Variants in DPP6 observed in about 807,000 individuals in gnomAD.
The protein encoded by DPP6 is dipeptidyl peptidase like 6.
Under a neutral mutation model 122.6 loss-of-function variants are expected in DPP6, and 69 were observed. The ratio of observed to expected loss-of-function variants is 0.56; its 90% CI spans 0.46 to 0.69. DPP6 has a LOEUF of 0.69. Among genes scored for constraint, DPP6 ranks in the 30% least tolerant of loss-of-function variants. DPP6 has a pLI of 0.00. For synonymous variants in DPP6, 418 were observed against 433.1 expected, an observed-to-expected ratio of 0.97 and a Z score of 0.43; for missense variants, 928 against 1,116.9, an observed-to-expected ratio of 0.83 and a Z score of 2.41.
rs201842922 is a variant in DPP6, at chr7:154,053,636, G to GA, written c.243+583dup. 5.1e-3 allele frequency among the ~76,000 whole-genome samples: 764 copies of GA among 148,530 alleles called. 4 individuals are homozygous for GA. Among genetic ancestry groups the GA allele is most frequent in the African/African-American group, 0.013 (537 of 40,474 alleles). On this transcript the variant is annotated intron_variant, in intron 1 of 25. Transcript: ENST00000377770. ...GTGGTGATGGTGATTATCCTTTCCGGAAAAAAAAAATACCAAAATACTGGC... is the reference window on the plus strand; with the variant it reads ...GTGGTGATGGTGATTATCCTTTCCGGAAAAAAAAAAATACCAAAATACTGGC...
intron 1 of DPP6, among the ~76,000 whole-genome samples, chr7:154,384,899 T>G (rs1813953056): frequency 1.3e-5 from 2 of 152,068 alleles, no homozygotes; most frequent in Non-Finnish European, 2.9e-5. Flanking sequence ...ATGATATAGC[T>G]CTAAAGGAAA....
Position 153,938,285 on chromosome 7 carries a change from T to C in DPP6, c.51+50551T>C, listed in dbSNP as rs185384304. On this transcript the variant is annotated intron_variant, in intron 1 of 25. Coordinates refer to the DPP6 transcript ENST00000404039. Reference sequence around the variant, plus strand: ...CAGGTAAGCTTTTCAGATCTGGGGATTGGGGACTTCCCATTTTAGATGGAA... The same window carrying C: ...CAGGTAAGCTTTTCAGATCTGGGGACTGGGGACTTCCCATTTTAGATGGAA... Among the ~76,000 whole-genome samples the C allele has an allele frequency of 9.0e-4, 137 of 152,332 alleles. 1 individual carries two copies. In the East Asian group the frequency reaches 0.02, roughly 22 times the overall value.
chr7:154,414,928 T>C (rs1304350858), intron 1 of DPP6, among the ~76,000 whole-genome samples: 2 of 152,204 alleles, frequency 1.3e-5, no homozygotes, highest in Admixed American at 1.3e-4. Context: ...TTCCAGTATG[T>C]TCTGCAGGCC....
At chr7:154,781,914 C>T (rs1360907693) in intron 10 of DPP6, among the ~76,000 whole-genome samples, 2 of 152,196 alleles carry the variant, frequency 1.3e-5, no homozygotes, top group Admixed American at 1.3e-4. Flanking sequence ...AGACAATGCT[C>T]TATTAATATT....
chr7:154,019,039 CA>C (rs1181725357), intron 1 of DPP6, among the ~76,000 whole-genome samples: 1 of 152,168 alleles, frequency 6.6e-6, no homozygotes, highest in Non-Finnish European at 1.5e-5. Flanking sequence ...ATTCTACACA[CA>C]AATGAATAAT....
chr7:154,575,290 ATGTGTGTGGGGGGTG>A (rs1831505013), intron 5 of DPP6, among the ~76,000 whole-genome samples: 1 of 41,416 alleles, frequency 2.4e-5, no homozygotes. Context: ...TGTGGTGTGT[ATGTGTGTGGGGGGTG>A]TATGTGTGTG....
intron 1 of DPP6, among the ~76,000 whole-genome samples, chr7:154,200,107 C>T (rs1430567695): frequency 6.6e-6 from 1 of 152,114 alleles, no homozygotes. Context: ...ACACATACAT[C>T]GGTCATCAGT....
At chr7:154,858,829 G>T (rs1284365398) in intron 17 of DPP6, among the ~76,000 whole-genome samples, 1 of 152,172 alleles carries the variant, frequency 6.6e-6, no homozygotes, top group Non-Finnish European at 1.5e-5. Flanking sequence ...AGCAGTCTTT[G>T]GCTAGCCATC....
At chr7:154,838,437 T>C (rs1468155224) in intron 16 of DPP6, 2 of 152,098 alleles carry the variant, frequency 1.3e-5, no homozygotes, top group Non-Finnish European at 2.9e-5. Context: ...ATTAAAGAAA[T>C]GTGGGGCCAA....
intron 1 of DPP6, among the ~76,000 whole-genome samples, chr7:154,382,829 G>C: frequency 6.6e-6 from 1 of 152,030 alleles, no homozygotes; most frequent in East Asian, 1.9e-4. Flanking sequence ...GGGTTCAAGC[G>C]ATTCTCCTGC....
chr7:154,485,136 A>G (rs1362782697), intron 3 of DPP6, among the ~76,000 whole-genome samples: 1 of 152,156 alleles, frequency 6.6e-6, no homozygotes, highest in Non-Finnish European at 1.5e-5. Flanking sequence ...AGCAGCCTGT[A>G]TCCCATGGCC....
chr7:153,877,004 A>T, the DPP6 span, among the ~76,000 whole-genome samples: 18 of 152,210 alleles, frequency 1.2e-4, no homozygotes, highest in African/African-American at 4.3e-4. Flanking sequence ...GCTCTGAGTG[A>T]GTCTGGGAGT....
chr7:153,766,585 G>A, the DPP6 span, among the ~76,000 whole-genome samples: 1 of 152,010 alleles, frequency 6.6e-6, no homozygotes, highest in Non-Finnish European at 1.5e-5. Flanking sequence ...ATACAAGAGT[G>A]ACTCTAATAA....
At chr7:154,200,507 A>G (rs1400505211) in intron 1 of DPP6, among the ~76,000 whole-genome samples, 1 of 152,050 alleles carries the variant, frequency 6.6e-6, no homozygotes. Context: ...GCCGCTGGGG[A>G]AAAGGTTTGA....
intron 1 of DPP6, among the ~76,000 whole-genome samples, chr7:154,201,902 A>AT (rs780878502): frequency 2.0e-4 from 30 of 152,042 alleles, no homozygotes; most frequent in Admixed American, 1.0e-3. Context: ...CTGTTTTTTA[A>AT]TTTTTTTTGT....
At chr7:154,323,516 A>G (rs943437801) in intron 1 of DPP6, among the ~76,000 whole-genome samples, 6 of 152,176 alleles carry the variant, frequency 3.9e-5, no homozygotes, top group Non-Finnish European at 5.9e-5. Flanking sequence ...GTCTATTTTC[A>G]TCGTCAACTA....
chr7:153,985,987 C>T (rs906654793), intron 1 of DPP6, among the ~76,000 whole-genome samples: 5 of 152,156 alleles, frequency 3.3e-5, no homozygotes, highest in Admixed American at 2.6e-4. Flanking sequence ...ATCACAGACA[C>T]CCACACATTG....
chr7:153,933,164 GA>G (rs1384781393), intron 1 of DPP6, among the ~76,000 whole-genome samples: 1 of 152,180 alleles, frequency 6.6e-6, no homozygotes, highest in Non-Finnish European at 1.5e-5. Flanking sequence ...ATAGCAGTAT[GA>G]AAATGGACTA....
intron 1 of DPP6, among the ~76,000 whole-genome samples, chr7:154,190,271 C>T (rs1030542814): frequency 6.6e-6 from 1 of 152,124 alleles, no homozygotes; most frequent in African/African-American, 2.4e-5. Flanking sequence ...CCGGGGAGGT[C>T]TCCAGGTGAG....
Sources: gnomAD v4.1 joint callset for allele counts (sites outside exome capture counted in the v4.1 genomes callset) on GRCh38, gnomAD v4.1.1 for gene constraint, MANE v1.5 for transcripts, NCBI Gene and HGNC (gene_info 2026-07-23, HGNC 2026-07-21) for gene names.